The following APLP2 variants were observed in gnomAD, a reference collection of about 807,000 sequenced individuals.
APLP2 encodes CDEI box-binding protein.
Under a neutral mutation model 89.9 loss-of-function variants are expected in APLP2, and 53 were observed. The ratio of observed to expected loss-of-function variants is 0.59; its 90% CI spans 0.47 to 0.74. The LOEUF (loss-of-function observed/expected upper bound fraction) is 0.74, where lower values mean the gene tolerates loss of function less well. Among genes scored for constraint, APLP2 ranks in the 30% least tolerant of loss-of-function variants. The pLI is 0.00. For missense variants in APLP2, 973 were observed against 975.9 expected (o/e 1.00, Z 0.04); for synonymous variants, 372 against 348.6 (o/e 1.07, Z -0.75).
intron 1 of APLP2, chr11:130,070,526 C>T: frequency 1.6e-6 from 2 of 1,247,476 alleles, no homozygotes; most frequent in Non-Finnish European, 2.0e-6. Context: ...GGCACCGGGG[C>T]CTCGGCTCCG....
At chr11:130,102,803 T>C (rs984099529) in intron 1 of APLP2, among the ~76,000 whole-genome samples, 4 of 152,238 alleles carry the variant, frequency 2.6e-5, no homozygotes, top group Non-Finnish European at 5.9e-5. Context: ...TTTTACCAAG[T>C]TGAATTTCTG....
chr11:130,108,115 G>A (rs1288918564), intron 1 of APLP2, among the ~76,000 whole-genome samples: 3 of 152,180 alleles, frequency 2.0e-5, no homozygotes, highest in African/African-American at 7.2e-5. Context: ...AAAAACCCCA[G>A]AAGAAAACCT....
intron 1 of APLP2, among the ~76,000 whole-genome samples, chr11:130,095,954 C>T (rs894017449): frequency 2.0e-5 from 3 of 151,068 alleles, no homozygotes; most frequent in Non-Finnish European, 3.0e-5. Flanking sequence ...CTCCCCTTGA[C>T]GAAGTCACAT....
In APLP2 at chr11:130,109,527, G is replaced by C. The variant is rs751883036; in HGVS notation, c.204G>C (p.Gly68=). Residue 68 remains glycine, a synonymous_variant, in exon 2 of 17, where the codon GGG becomes GGC. Coordinates refer to ENST00000338167, the MANE Select transcript of APLP2 (RefSeq NM_001142276.2). ...KLNMHVNIQT[G]KWEPDPTGTK... Reference sequence around the variant, plus strand: ...ATATGCATGTGAACATTCAGACTGGGAAATGGGAACCTGATCCAACAGGCA... The same window carrying C: ...ATATGCATGTGAACATTCAGACTGGCAAATGGGAACCTGATCCAACAGGCA... 4 of 1,613,904 alleles carry C rather than the reference G, an allele frequency of 2.5e-6. No individual in the cohort carries two copies. The South Asian group carries it at 4.4e-5, about 18-fold the overall frequency.
Position 130,130,104 on chromosome 11 carries a change from A to T in APLP2, c.1522A>T (p.Ile508Phe), listed in dbSNP as rs1268640809. ...RAENKDRLHT[I>F]RHYQHVLAVD... is the part of the protein sequence containing the mutation. ...TGAGAACAAAGATCGCTTACATACC[A>T]TCCGTCATTACCAGCATGTGTTGGC... The change falls in exon 11 of 17, where the codon ATC (isoleucine) becomes TTC (phenylalanine). Residue 508 changes from isoleucine to phenylalanine, a missense_variant. Physicochemically the swap from Ile to Phe is conservative, Grantham distance 21 (BLOSUM62 0). Coordinates refer to ENST00000338167, the MANE Select transcript of APLP2 (RefSeq NM_001142276.2). 1 of 1,614,118 alleles carries T rather than the reference A, an allele frequency of 6.2e-7. No homozygotes were observed.
chr11:130,141,298 T>C lies in APLP2; in HGVS notation c.1924-200T>C, dbSNP rs1160825627. On this transcript the variant is annotated intron_variant, in intron 14 of 16. Transcript: ENST00000338167. The surrounding 1 kb of genome is among the most constrained non-coding windows in gnomAD (Gnocchi z 4.2). Reference sequence around the variant, plus strand: ...TACGGGACCAGCTGCCATAATATAGTCTTCCCTCCATACCTGCCCCTTCAT... The same window carrying C: ...TACGGGACCAGCTGCCATAATATAGCCTTCCCTCCATACCTGCCCCTTCAT... The C allele has an allele frequency of 3.4e-6, 2 of 581,360 alleles. No homozygotes were observed. The highest frequency in any genetic ancestry group is 2.1e-5 in the South Asian group (1 of 47,544). The allele number at this position is 581,360 out of a possible 1,614,324, so 36.0% of individuals were successfully genotyped here.
intron 1 of APLP2, among the ~76,000 whole-genome samples, chr11:130,088,537 A>G (rs1944447727): frequency 1.3e-5 from 2 of 152,080 alleles, no homozygotes; most frequent in Non-Finnish European, 2.9e-5. Context: ...CTTGCTCCAG[A>G]GAAGTTTTCC....
chr11:130,137,208 C>T (rs1172239059), intron 13 of APLP2: 1 of 1,548,022 alleles, frequency 6.5e-7, no homozygotes, highest in Non-Finnish European at 8.9e-7. Flanking sequence ...TTTTTAATCT[C>T]CTTTTGTGCT....
chr11:130,080,590 C>T (rs1591760526), intron 1 of APLP2, among the ~76,000 whole-genome samples: 1 of 151,980 alleles, frequency 6.6e-6, no homozygotes, highest in African/African-American at 2.4e-5. Flanking sequence ...TTTCATTCTA[C>T]CTGGAGCCTG....
chr11:130,140,445 A>G lies in APLP2; in HGVS notation c.1885A>G (p.Lys629Glu). Residue 629 changes from lysine (K) to glutamate (E), a missense_variant, in exon 14 of 17, where the codon AAA (lysine) becomes GAA (glutamate). Transcript: ENST00000338167. ...QDGGLIGAEE[K>E]VINSKNKVDE... ...TGGGGGACTGATCGGTGCCGAAGAG[A>G]AAGTGATTAACAGTAAGAATAAAGT... 2 of 1,611,580 alleles carry G rather than the reference A, an allele frequency of 1.2e-6. No individual in the cohort carries two copies. The highest frequency in any genetic ancestry group is 3.3e-4 in the Middle Eastern group (2 of 6,058).
chr11:130,130,086 A>C lies in APLP2; in HGVS notation c.1504A>C (p.Lys502Gln), dbSNP rs1268083056. The C allele has an allele frequency of 6.2e-7, 1 of 1,614,256 alleles. No individual in the cohort carries two copies. Reference protein sequence around the residue: ...ALRRYVRAENKDRLHTIRHYQ... With the variant: ...ALRRYVRAENQDRLHTIRHYQ... Reference sequence around the variant, plus strand: ...ACGGCGTTATGTCCGTGCTGAGAACAAAGATCGCTTACATACCATCCGTCA... The same window carrying C: ...ACGGCGTTATGTCCGTGCTGAGAACCAAGATCGCTTACATACCATCCGTCA... Residue 502 changes from lysine to glutamine, a missense_variant, in exon 11 of 17, where the codon AAA becomes CAA. By Grantham distance (53) the Lys-to-Gln change is moderately conservative. Transcript: ENST00000338167.
intron 12 of APLP2, among the ~76,000 whole-genome samples, chr11:130,134,009 C>T (rs935691436): frequency 9.2e-5 from 14 of 152,226 alleles, no homozygotes; most frequent in Admixed American, 9.2e-4. Flanking sequence ...CAAGAGACTA[C>T]GAGTTTCCTG....
At position 130,116,998 on chromosome 11, in the gene APLP2, G is replaced by C. The variant is rs562652218; in HGVS notation, c.404-3708G>C. ...TAGTAAAAATTAGCTGGGTGTGGTGGCGAACGCCTGTAATGTCAGTTACTC... is the reference window on the plus strand; with the variant it reads ...TAGTAAAAATTAGCTGGGTGTGGTGCCGAACGCCTGTAATGTCAGTTACTC... On this transcript the variant is annotated intron_variant, in intron 3 of 16. Coordinates refer to ENST00000338167, the MANE Select transcript of APLP2 (RefSeq NM_001142276.2). 1.1e-4 allele frequency among the ~76,000 whole-genome samples: 16 copies of C among 152,056 alleles called. No homozygotes were observed. The East Asian group carries it at 2.8e-3, about 26-fold the overall frequency.
chr11:130,104,850 G>T (rs1487640928), intron 1 of APLP2, among the ~76,000 whole-genome samples: 1 of 152,168 alleles, frequency 6.6e-6, no homozygotes, highest in Non-Finnish European at 1.5e-5. Context: ...AGCCCTGATA[G>T]ATATTGGCAA....
Position 130,135,717 on chromosome 11 carries a change from T to C in APLP2, c.1837+2T>C. On this transcript the variant is annotated splice_donor_variant, in intron 13 of 16. Transcript: ENST00000338167. LOFTEE classifies it high-confidence loss of function. ...TCCCAGCCCTACCTGAGAACGAAGG[T>C]GTGTATGGGCGACGGTGCCACTTCT... 6.2e-7 allele frequency: 1 copy of C among 1,613,562 alleles called. No individual in the cohort carries two copies. Among genetic ancestry groups the C allele is most frequent in the Non-Finnish European group, 8.5e-7 (1 of 1,179,810 alleles).
intron 1 of APLP2, chr11:130,102,121 G>T: frequency 3.2e-6 from 1 of 315,428 alleles, no homozygotes; most frequent in Non-Finnish European, 6.2e-6. Flanking sequence ...ACTTCGTTCA[G>T]TTTAGTAAAT....
intron 1 of APLP2, 94 bp downstream of exon 1, chr11:130,070,176 C>T (rs1456168715): frequency 8.3e-6 from 6 of 725,414 alleles, no homozygotes; most frequent in South Asian, 5.1e-5. Context: ...CAGGGCGGGC[C>T]GGCGGTGCGG....
At chr11:130,121,494 A>T in intron 4 of APLP2, 120 bp from the exon 5 acceptor site, 1 of 1,281,058 alleles carries the variant, frequency 7.8e-7, no homozygotes, top group Non-Finnish European at 1.0e-6. Context: ...GTATGTGTTC[A>T]TAAGAGAAAG....
At chr11:130,109,328 T>C (rs994121521) in intron 1 of APLP2, 101 bp from the exon 2 acceptor site, 34 of 1,015,914 alleles carry the variant, frequency 3.3e-5, no homozygotes, top group Non-Finnish European at 4.6e-5. Context: ...AGTAAATAAT[T>C]AAGGTTTTTA....
Sources: gnomAD v4.1 joint callset for allele counts (sites outside exome capture counted in the v4.1 genomes callset) on GRCh38, gnomAD v4.1.1 for gene constraint, Gnocchi (gnomAD v3.1) non-coding constraint, MANE v1.5 for transcripts, NCBI Gene and HGNC (gene_info 2026-07-23, HGNC 2026-07-21) for gene names.